The following PCDH9 variants were observed in gnomAD, a reference collection of about 807,000 sequenced individuals.
PCDH9 encodes protocadherin 9.
A neutral mutation model predicts 70.6 loss-of-function variants in PCDH9; 24 were observed. The observed-to-expected ratio is 0.34, with a 90% CI of 0.25 to 0.48. The LOEUF (loss-of-function observed/expected upper bound fraction) is 0.48, where lower values mean the gene tolerates loss of function less well. Among genes scored for constraint, PCDH9 ranks in the 20% least tolerant of loss-of-function variants. PCDH9 has a pLI of 0.99. For synonymous variants in PCDH9, 562 were observed against 558.5 expected, an observed-to-expected ratio of 1.01 and a Z score of -0.09; for missense variants, 1,281 against 1,503.6, an observed-to-expected ratio of 0.85 and a Z score of 2.45.
intron 3 of PCDH9, among the ~76,000 whole-genome samples, chr13:66,897,610 C>G (rs1201249453): frequency 6.6e-6 from 1 of 151,894 alleles, no homozygotes. Flanking sequence ...TGAAATAAAC[C>G]AACATTCATG....
chr13:67,022,106 CTTTTTTT>C (rs71110623), intron 2 of PCDH9, among the ~76,000 whole-genome samples: 1 of 35,408 alleles, frequency 2.8e-5, no homozygotes. Flanking sequence ...AGGTGATGTT[CTTTTTTT>C]TTTTTTTTTT....
In PCDH9 at chr13:67,227,533, A is replaced by T. The variant is rs1191337201; in HGVS notation, c.908T>A (p.Phe303Tyr). ...CAGCCCAGTAGTATTATTTAAAGCA[A>T]AGAGTCTTTTGGTTGCAGGGGCGAC... ...AQVAPATKRLFALNNTTGLIT... is the reference protein window; with the variant it reads ...AQVAPATKRLYALNNTTGLIT... Residue 303 changes from phenylalanine (F) to tyrosine (Y), a missense_variant, in exon 2 of 5, where the codon TTT (phenylalanine) becomes TAT (tyrosine). By Grantham distance (22) the Phe-to-Tyr change is conservative. This residue lies in a region of PCDH9 where 798 missense variants were observed against 1,003.1 expected (regional missense o/e 0.80). Transcript: ENST00000377865. The surrounding 1 kb of genome is among the most constrained non-coding windows in gnomAD (Gnocchi z 4.6). The T allele has an allele frequency of 6.2e-7, 1 of 1,613,950 alleles. No homozygotes were observed. The highest frequency in any genetic ancestry group is 1.7e-5 in the Admixed American group (1 of 60,008).
chr13:66,969,317 A>G (rs930242782), intron 2 of PCDH9, among the ~76,000 whole-genome samples: 2 of 151,988 alleles, frequency 1.3e-5, no homozygotes, highest in Admixed American at 1.3e-4. Flanking sequence ...CAGAGCCTCA[A>G]AAAGTGAATG....
chr13:66,438,532 A>AATTTC (rs889964538), intron 4 of PCDH9, among the ~76,000 whole-genome samples: 13 of 152,132 alleles, frequency 8.5e-5, no homozygotes, highest in African/African-American at 3.1e-4. Context: ...TTCACAGAAC[A>AATTTC]ATTTCCCTTT....
intron 4 of PCDH9, among the ~76,000 whole-genome samples, chr13:66,594,462 CTTTT>C (rs2077076959): frequency 6.8e-6 from 1 of 147,792 alleles, no homozygotes; most frequent in Non-Finnish European, 1.5e-5. Flanking sequence ...CATCAGGTTA[CTTTT>C]TGTTTATTTT....
intron 2 of PCDH9, 36 bp from the exon 3 acceptor site, chr13:66,903,641 TC>T: frequency 1.1e-6 from 1 of 894,082 alleles, no homozygotes; most frequent in Non-Finnish European, 1.9e-6. Context: ...GACAAACTAC[TC>T]CACATTTAGA....
chr13:66,314,197 G>A lies in PCDH9; in HGVS notation c.3341-9169C>T, dbSNP rs17081108. Among the ~76,000 whole-genome samples, 841 of 152,272 alleles carry A rather than the reference G, an allele frequency of 5.5e-3. 9 individuals are homozygous for A. Among genetic ancestry groups the A allele is most frequent in the African/African-American group, 0.019 (786 of 41,542 alleles). On this transcript the variant is annotated intron_variant, in intron 4 of 4. Coordinates refer to ENST00000377865, the MANE Select transcript of PCDH9 (RefSeq NM_203487.3). ...GTGTTCAAGAATCACACTTTGAAAC[G>A]CAAGACATTTAGAACTTACCTGTCT...
intron 3 of PCDH9, among the ~76,000 whole-genome samples, chr13:66,898,644 G>A (rs1156289183): frequency 6.6e-6 from 1 of 151,954 alleles, no homozygotes; most frequent in African/African-American, 2.4e-5. Context: ...AAATAAAGGT[G>A]TGTCGTATAA....
intron 3 of PCDH9, among the ~76,000 whole-genome samples, chr13:66,901,050 CATTTT>C (rs2082268951): frequency 6.6e-6 from 1 of 151,288 alleles, no homozygotes; most frequent in Non-Finnish European, 1.5e-5. Context: ...TAAAACTGCC[CATTTT>C]ATTATTGGTC....
chr13:66,835,581 CTG>C (rs1329554602), intron 3 of PCDH9, among the ~76,000 whole-genome samples: 1 of 152,178 alleles, frequency 6.6e-6, no homozygotes, highest in Non-Finnish European at 1.5e-5. Flanking sequence ...CCCACTGAAT[CTG>C]TGTTATATGC....
chr13:66,449,042 C>T (rs1309369839), intron 4 of PCDH9, among the ~76,000 whole-genome samples: 2 of 152,144 alleles, frequency 1.3e-5, no homozygotes, highest in African/African-American at 4.8e-5. Flanking sequence ...TTTAGACAGT[C>T]TTCTTAATGC....
chr13:67,031,991 G>A (rs907097303), intron 2 of PCDH9, among the ~76,000 whole-genome samples: 8 of 152,146 alleles, frequency 5.3e-5, no homozygotes, highest in African/African-American at 9.7e-5. Flanking sequence ...GTTCAAATAA[G>A]TCTCAATAAG....
At chr13:66,724,226 C>T (rs1375887229) in intron 3 of PCDH9, among the ~76,000 whole-genome samples, 1 of 152,160 alleles carries the variant, frequency 6.6e-6, no homozygotes, top group Non-Finnish European at 1.5e-5. Flanking sequence ...TTGTTCACTT[C>T]AGGTGTTATT....
intron 3 of PCDH9, among the ~76,000 whole-genome samples, chr13:66,790,361 T>C (rs969405168): frequency 1.3e-5 from 2 of 152,090 alleles, no homozygotes; most frequent in African/African-American, 4.8e-5. Flanking sequence ...TTAAATAAGT[T>C]GCAAATATCT....
intron 3 of PCDH9, among the ~76,000 whole-genome samples, chr13:66,701,955 A>C (rs1316842915): frequency 6.6e-6 from 1 of 152,166 alleles, no homozygotes; most frequent in Admixed American, 6.5e-5. Flanking sequence ...TCCCTTGCCC[A>C]AAGTCAGGAA....
At chr13:66,359,737 T>C (rs1019890144) in intron 4 of PCDH9, among the ~76,000 whole-genome samples, 1 of 152,092 alleles carries the variant, frequency 6.6e-6, no homozygotes, top group Non-Finnish European at 1.5e-5. Flanking sequence ...CAGGAAGGCC[T>C]GAATTAAATG....
At chr13:66,903,962 A>G (rs1395980711) in intron 2 of PCDH9, among the ~76,000 whole-genome samples, 1 of 151,970 alleles carries the variant, frequency 6.6e-6, no homozygotes, top group Non-Finnish European at 1.5e-5. Flanking sequence ...TATTATACAC[A>G]TATTAGCCTG....
intron 3 of PCDH9, among the ~76,000 whole-genome samples, chr13:66,698,915 T>TG (rs1235796728): frequency 1.5e-5 from 2 of 133,060 alleles, no homozygotes; most frequent in African/African-American, 5.5e-5. Context: ...TTTTTTTTTT[T>TG]TTGTTGTTGT....
At chr13:67,176,717 C>A (rs2138466465) in intron 2 of PCDH9, among the ~76,000 whole-genome samples, 1 of 152,108 alleles carries the variant, frequency 6.6e-6, no homozygotes, top group Admixed American at 6.6e-5. Context: ...TTGTACCCAT[C>A]CCAATACCCA....
Sources: allele counts gnomAD v4.1 joint callset (sites outside exome capture counted in the v4.1 genomes callset), GRCh38; gene constraint gnomAD v4.1.1; regional missense constraint gnomAD v4.1.1; non-coding constraint Gnocchi (gnomAD v3.1); transcripts MANE v1.5; gene names NCBI Gene and HGNC (gene_info 2026-07-23, HGNC 2026-07-21).